The following SPAG16 variants were observed in gnomAD, a reference collection of about 807,000 sequenced individuals.
SPAG16 encodes the protein sperm-associated antigen 16 protein.
Under a neutral mutation model 80.4 loss-of-function variants are expected in SPAG16, and 86 were observed. That is an observed-to-expected ratio of 1.07 (90% CI 0.90 to 1.28). SPAG16 has a LOEUF of 1.28. Among genes scored for constraint, SPAG16 ranks in the 50% most tolerant of loss-of-function variants. SPAG16 has a pLI of 0.00. For missense variants in SPAG16, 870 were observed against 765.3 expected, an observed-to-expected ratio of 1.14 and a Z score of -1.61; for synonymous variants, 294 against 265.9, an observed-to-expected ratio of 1.11 and a Z score of -1.03.
intron 12 of SPAG16, among the ~76,000 whole-genome samples, chr2:213,936,229 C>A (rs2078983546): frequency 6.6e-6 from 1 of 152,078 alleles, no homozygotes; most frequent in Non-Finnish European, 1.5e-5. Flanking sequence ...AAGAGGCCAG[C>A]ATGACTGGAA....
chr2:213,871,946 A>T (rs1020906353), intron 11 of SPAG16, among the ~76,000 whole-genome samples: 1 of 151,876 alleles, frequency 6.6e-6, no homozygotes, highest in Admixed American at 6.6e-5. Context: ...GATTTTCAGA[A>T]ATTTCAAATT....
chr2:213,861,725 G>T (rs2075474840), intron 10 of SPAG16, among the ~76,000 whole-genome samples: 1 of 152,084 alleles, frequency 6.6e-6, no homozygotes, highest in African/African-American at 2.4e-5. Context: ...GTAGACTTTT[G>T]ATTTTAAAAT....
At chr2:213,924,509 G>A (rs2078373265) in intron 11 of SPAG16, among the ~76,000 whole-genome samples, 1 of 152,146 alleles carries the variant, frequency 6.6e-6, no homozygotes, top group South Asian at 2.1e-4. Context: ...TGGCCTGCAG[G>A]GTCAGTGTTG....
intron 10 of SPAG16, among the ~76,000 whole-genome samples, chr2:213,590,929 G>T (rs2060666353): frequency 6.6e-6 from 1 of 151,972 alleles, no homozygotes; most frequent in Non-Finnish European, 1.5e-5. Flanking sequence ...ATTGGTTAAA[G>T]AAAATATGTT....
intron 9 of SPAG16, among the ~76,000 whole-genome samples, chr2:213,479,815 A>G (rs1373426290): frequency 1.3e-5 from 2 of 152,200 alleles, no homozygotes; most frequent in Non-Finnish European, 2.9e-5. Flanking sequence ...TCTAGTACTC[A>G]TATCTATATC....
chr2:213,748,497 T>A (rs1314908007), intron 10 of SPAG16, among the ~76,000 whole-genome samples: 1 of 152,098 alleles, frequency 6.6e-6, no homozygotes, highest in Non-Finnish European at 1.5e-5. Context: ...TAAGTTTTAT[T>A]TCATTAGTTC....
intron 15 of SPAG16, among the ~76,000 whole-genome samples, chr2:214,199,710 T>C (rs72944051): frequency 0.069 from 10,503 of 152,268 alleles, 493 homozygotes; most frequent in Non-Finnish European, 0.096. Flanking sequence ...ATTTTCACAA[T>C]ATTGTATCTT....
chr2:213,342,665 T>C (rs560244694), intron 6 of SPAG16, among the ~76,000 whole-genome samples: 1 of 152,078 alleles, frequency 6.6e-6, no homozygotes, highest in Non-Finnish European at 1.5e-5. Flanking sequence ...GGAGGACTTT[T>C]GGGGAATTTC....
At chr2:213,605,896 A>G (rs944120806) in intron 10 of SPAG16, among the ~76,000 whole-genome samples, 1 of 152,246 alleles carries the variant, frequency 6.6e-6, no homozygotes, top group African/African-American at 2.4e-5. Flanking sequence ...ATACAATTAT[A>G]TAAACAACTT....
At chr2:214,320,557 T>C (rs544988420) in intron 15 of SPAG16, among the ~76,000 whole-genome samples, 58 of 152,342 alleles carry the variant, frequency 3.8e-4, no homozygotes, top group Non-Finnish European at 7.5e-4. Flanking sequence ...CAGTTCAGCA[T>C]GGCTGGGAAG....
At chr2:213,382,065 A>G (rs1046849993) in intron 9 of SPAG16, among the ~76,000 whole-genome samples, 2 of 151,628 alleles carry the variant, frequency 1.3e-5, no homozygotes, top group African/African-American at 4.8e-5. Context: ...TTTTTAATCC[A>G]TTCTCTGATA....
At chr2:214,078,995 C>T (rs182743078) in intron 13 of SPAG16, among the ~76,000 whole-genome samples, 2 of 152,172 alleles carry the variant, frequency 1.3e-5, no homozygotes, top group Admixed American at 6.5e-5. Flanking sequence ...GCTGGGTTAG[C>T]GCTTGGTAAC....
chr2:214,041,993 TATATATATATATATAC>T (rs1377781089), intron 13 of SPAG16, among the ~76,000 whole-genome samples: 4 of 128,050 alleles, frequency 3.1e-5, no homozygotes, highest in South Asian at 2.6e-4. Context: ...TATATATATA[TATATATATATATATAC>T]ACACACACAC....
intron 10 of SPAG16, among the ~76,000 whole-genome samples, chr2:213,531,346 TA>T (rs1186348739): frequency 1.4e-5 from 2 of 140,564 alleles, no homozygotes; most frequent in Non-Finnish European, 3.1e-5. Flanking sequence ...TTCTGTTTAT[TA>T]AAAAAGATGT....
At chr2:213,509,065 C>T (rs1326308144) in intron 10 of SPAG16, among the ~76,000 whole-genome samples, 3 of 151,526 alleles carry the variant, frequency 2.0e-5, no homozygotes, top group African/African-American at 7.3e-5. Flanking sequence ...GATGCAATCT[C>T]GGCTCACTGC....
chr2:213,890,069 C>T (rs147374293), intron 11 of SPAG16, among the ~76,000 whole-genome samples: 8 of 151,952 alleles, frequency 5.3e-5, no homozygotes, highest in Non-Finnish European at 8.8e-5. Context: ...GAAAGTTGTA[C>T]GATTGAGTTT....
chr2:213,862,083 G>A (rs2075490589), intron 10 of SPAG16, among the ~76,000 whole-genome samples: 1 of 152,128 alleles, frequency 6.6e-6, no homozygotes, highest in Non-Finnish European at 1.5e-5. Flanking sequence ...ACATATTATA[G>A]TTTGAAAACA....
chr2:214,103,044 G>A (rs1343512270), intron 13 of SPAG16, among the ~76,000 whole-genome samples: 2 of 152,148 alleles, frequency 1.3e-5, no homozygotes, highest in African/African-American at 4.8e-5. Flanking sequence ...CAGGCATGCA[G>A]TGTGTTTAGG....
chr2:214,155,430 A>G (rs1037119440), intron 15 of SPAG16, among the ~76,000 whole-genome samples: 5 of 152,144 alleles, frequency 3.3e-5, no homozygotes, highest in African/African-American at 9.6e-5. Flanking sequence ...CATATTCTCT[A>G]AGGCTGTTTT....
Sources: allele counts gnomAD v4.1 joint callset (sites outside exome capture counted in the v4.1 genomes callset), GRCh38; gene constraint gnomAD v4.1.1; transcripts MANE v1.5; gene names NCBI Gene and HGNC (gene_info 2026-07-23, HGNC 2026-07-21).